MANSC1: variants seen among roughly 807,000 people sequenced by gnomAD.
MANSC1 encodes the protein MANSC domain-containing protein 1.
Under a neutral mutation model 14.1 loss-of-function variants are expected in MANSC1, and 13 were observed. The observed-to-expected ratio is 0.92, with a 90% CI of 0.60 to 1.46. The LOEUF is 1.46. Among genes scored for constraint, MANSC1 ranks in the 40% most tolerant of loss-of-function variants. The probability of loss-of-function intolerance (pLI) is 0.00; values close to 1 mark genes in which losing one functional copy is unlikely to be tolerated. For synonymous variants in MANSC1, 227 were observed against 200.7 expected (o/e 1.13, Z -1.11); for missense variants, 486 against 511.4 (o/e 0.95, Z 0.48).
rs1555139837 is a variant in MANSC1, at chr12:12,328,984, T to TCTCACACACACACA, written c.*1042_*1043insTGTGTGTGTGTGAG. 3.8e-5 allele frequency: 5 copies of TCTCACACACACACA among 131,728 alleles called. No homozygotes were observed. Among genetic ancestry groups the TCTCACACACACACA allele is most frequent in the African/African-American group, 1.4e-4 (5 of 35,046 alleles). The allele number at this position is 131,728 out of a possible 1,614,324, so 8.2% of individuals were successfully genotyped here. A position where few individuals can be genotyped will look rare whatever the true frequency, so the allele number is the denominator to read the frequency against. On this transcript the variant is annotated 3_prime_UTR_variant, in exon 4 of 4. Transcript: ENST00000535902. ...GCCTGGGTGACAGAGCAAGACTCTG[T>TCTCACACACACACA]CACACACACACACACACACACACAC...
chr12:12,343,214 A>G lies in MANSC1; in HGVS notation c.101T>C (p.Leu34Pro). 1.2e-6 allele frequency: 2 copies of G among 1,614,004 alleles called. No individual in the cohort carries two copies. The highest frequency in any genetic ancestry group is 1.7e-6 in the Non-Finnish European group (2 of 1,179,852). ...SASQNCLKKS[L>P]EDVVIDIQSS... Reference sequence around the variant, plus strand: ...CTGGATGTCAATGACAACATCTTCTAGACTCTTTTTGAGGCAATTCTGACT... The same window carrying G: ...CTGGATGTCAATGACAACATCTTCTGGACTCTTTTTGAGGCAATTCTGACT... Residue 34 changes from leucine to proline, a missense_variant, in exon 2 of 4, where the codon CTA becomes CCA. By Grantham distance (98) the Leu-to-Pro change is moderately conservative. Transcript: ENST00000535902.
At chr12:12,349,474 C>T (rs1190677014) in intron 1 of MANSC1, among the ~76,000 whole-genome samples, 2 of 152,226 alleles carry the variant, frequency 1.3e-5, no homozygotes, top group African/African-American at 2.4e-5. Flanking sequence ...AGGTTAGCGA[C>T]GTTTTCTAAT....
At chr12:12,343,444 GT>G in intron 1 of MANSC1, 30 bp from the exon 2 acceptor site, 1 of 606,892 alleles carries the variant, frequency 1.6e-6, no homozygotes, top group South Asian at 2.1e-5. Context: ...TCATCAATGA[GT>G]TTTGTTTCTT....
chr12:12,338,592 G>C (rs1862890731), intron 2 of MANSC1, 32 bp from the exon 3 acceptor site: 1 of 1,605,036 alleles, frequency 6.2e-7, no homozygotes, highest in African/African-American at 1.3e-5. Flanking sequence ...GCATGATTTT[G>C]AAATGCGATT....
Position 12,330,561 on chromosome 12 carries a change from C to T in MANSC1, c.762G>A (p.Val254=). The T allele has an allele frequency of 6.2e-7, 1 of 1,614,184 alleles. No individual in the cohort carries two copies. Among genetic ancestry groups the T allele is most frequent in the Non-Finnish European group, 8.5e-7 (1 of 1,180,044 alleles). ...PATLLPTNAS[V]TPSGTSQPQL... is the part of the protein sequence containing the mutation. ...GTGGCTGGGAAGTCCCAGAAGGTGT[C>T]ACTGAAGCATTGGTGGGTAGAAGGG... Residue 254 remains valine (V), a synonymous_variant, in exon 4 of 4, where the codon GTG becomes GTA. Transcript: ENST00000535902.
rs778710589 is a variant in MANSC1 at position 12,343,301 on chromosome 12, C to G, written c.14G>C (p.Gly5Ala). The part of the protein sequence containing the change: MFFG[G>A]EGSLTYTLVI... ...CAAAGTGTAAGTCAAGCTCCCTTCT[C>G]CCCCGAAGAACATTTTAAATTTCAG... is the stretch of plus-strand genomic sequence containing the variant. Residue 5 changes from glycine (G) to alanine (A), a missense_variant, in exon 2 of 4, where the codon GGA (glycine) becomes GCA (alanine). Gly to Ala is a moderately conservative substitution (Grantham distance 60). Transcript: ENST00000535902. 14 of 1,613,212 alleles carry G rather than the reference C, an allele frequency of 8.7e-6. No individual in the cohort carries two copies. Among genetic ancestry groups the G allele is most frequent in the Middle Eastern group, 1.6e-4 (1 of 6,062 alleles).
chr12:12,334,650 A>G (rs577148873), intron 3 of MANSC1, among the ~76,000 whole-genome samples: 2 of 152,320 alleles, frequency 1.3e-5, no homozygotes, highest in African/African-American at 4.8e-5. Flanking sequence ...AAAAAGATTT[A>G]TGCACATGCC....
At chr12:12,344,405 C>T (rs1285246626) in intron 1 of MANSC1, among the ~76,000 whole-genome samples, 1 of 151,564 alleles carries the variant, frequency 6.6e-6, no homozygotes, top group Non-Finnish European at 1.5e-5. Flanking sequence ...AATCTGCTGC[C>T]AGTGCAGTTA....
At chr12:12,347,977 C>T (rs570083920) in intron 1 of MANSC1, among the ~76,000 whole-genome samples, 5 of 152,066 alleles carry the variant, frequency 3.3e-5, no homozygotes, top group South Asian at 2.1e-4. Context: ...GCAGAAGAAT[C>T]GCTTGAACCC....
chr12:12,332,130 T>C (rs1862798949), intron 3 of MANSC1, among the ~76,000 whole-genome samples: 1 of 152,198 alleles, frequency 6.6e-6, no homozygotes, highest in Non-Finnish European at 1.5e-5. Flanking sequence ...ACCAGGTGAA[T>C]TGCCATGTAT....
intron 1 of MANSC1, among the ~76,000 whole-genome samples, chr12:12,349,531 T>A (rs1178426056): frequency 6.6e-6 from 1 of 152,194 alleles, no homozygotes; most frequent in East Asian, 1.9e-4. Context: ...TTGAATCTTG[T>A]TGAAAGACGG....
At chr12:12,337,048 A>T (rs994323942) in intron 3 of MANSC1, among the ~76,000 whole-genome samples, 1 of 152,014 alleles carries the variant, frequency 6.6e-6, no homozygotes, top group African/African-American at 2.4e-5. Flanking sequence ...AGGAGGGTGG[A>T]TCACCTGAGG....
At chr12:12,343,860 T>G (rs1862970155) in intron 1 of MANSC1, among the ~76,000 whole-genome samples, 2 of 152,116 alleles carry the variant, frequency 1.3e-5, no homozygotes. Flanking sequence ...GCCTGTAATC[T>G]CAGCACTTTG....
At chr12:12,347,886 C>T (rs980154282) in intron 1 of MANSC1, among the ~76,000 whole-genome samples, 2 of 148,174 alleles carry the variant, frequency 1.3e-5, no homozygotes, top group Non-Finnish European at 3.0e-5. Flanking sequence ...TGGTGAAACC[C>T]CATCTCTACT....
At position 12,330,420 on chromosome 12, in the gene MANSC1, T is replaced by C. The variant is rs1484546758; in HGVS notation, c.903A>G (p.Ala301=). ...AATLQAMATT[A]VLTTTFQAPT... is the part of the protein sequence containing the mutation. ...GTGCCTGAAAGGTGGTAGTCAGAAC[T>C]GCTGTTGTAGCCATTGCTTGGAGTG... Residue 301 remains alanine (A), a synonymous_variant, in exon 4 of 4, where the codon GCA becomes GCG. Coordinates refer to ENST00000535902, the MANE Select transcript of MANSC1 (RefSeq NM_018050.4). The C allele has an allele frequency of 4.3e-6, 7 of 1,614,114 alleles. No individual in the cohort carries two copies. The highest frequency in any genetic ancestry group is 1.7e-5 in the Admixed American group (1 of 60,008).
At chr12:12,341,290 C>G (rs1862929348) in intron 2 of MANSC1, among the ~76,000 whole-genome samples, 1 of 152,192 alleles carries the variant, frequency 6.6e-6, no homozygotes, top group Non-Finnish European at 1.5e-5. Flanking sequence ...AATGAACAGC[C>G]AAAAGAGGCT....
chr12:12,338,665 T>G (rs1862891588), intron 2 of MANSC1, 105 bp from the exon 3 acceptor site: 1 of 982,948 alleles, frequency 1.0e-6, no homozygotes, highest in African/African-American at 1.7e-5. Flanking sequence ...CAAACACCTT[T>G]GTTCATTTTG....
intron 1 of MANSC1, among the ~76,000 whole-genome samples, chr12:12,348,528 CAGG>C (rs1291100839): frequency 1.3e-5 from 2 of 151,952 alleles, no homozygotes; most frequent in African/African-American, 4.8e-5. Flanking sequence ...CAGTGGTCAC[CAGG>C]AGAACAGGAG....
rs1224414490 is a variant in MANSC1 at position 12,350,225 on chromosome 12, G to GT, written c.-249dup. ...CGCAGCTCCCGCACCGGCCTGGCGG[G>GT]TTTTGTGGTTAGCAAGTTCCTGCTT... On this transcript the variant is annotated 5_prime_UTR_variant, in exon 1 of 4. Coordinates refer to ENST00000535902, the MANE Select transcript of MANSC1 (RefSeq NM_018050.4). 6.6e-6 allele frequency: 1 copy of GT among 152,246 alleles called. No individual in the cohort carries two copies. Among genetic ancestry groups the GT allele is most frequent in the Admixed American group, 6.5e-5 (1 of 15,288 alleles). 9.4% of individuals were successfully genotyped at this position (152,246 alleles called of 1,614,324 possible). A position where few individuals can be genotyped will look rare whatever the true frequency, so the allele number is the denominator to read the frequency against.
Sources: gnomAD v4.1 joint callset for allele counts (sites outside exome capture counted in the v4.1 genomes callset) on GRCh38, gnomAD v4.1.1 for gene constraint, MANE v1.5 for transcripts, NCBI Gene and HGNC (gene_info 2026-07-23, HGNC 2026-07-21) for gene names.